BCKDHB: variants seen among roughly 807,000 people sequenced by gnomAD.
BCKDHB encodes branched chain keto acid dehydrogenase E1 subunit beta.
Under a neutral mutation model 48.5 loss-of-function variants are expected in BCKDHB, and 41 were observed. That is an observed-to-expected ratio of 0.85 (90% CI 0.66 to 1.10). The LOEUF (loss-of-function observed/expected upper bound fraction) is 1.10, where lower values mean the gene tolerates loss of function less well. Ranked by LOEUF, BCKDHB falls within the 50% of genes least tolerant of loss-of-function variation. The pLI, the probability that BCKDHB is intolerant of heterozygous loss-of-function variation, is 0.00. For synonymous variants in BCKDHB, 201 were observed against 174.8 expected (o/e 1.15, Z -1.18); for missense variants, 496 against 494.2 (o/e 1.00, Z -0.03).
At chr6:80,341,730 G>A (rs1289814952) in intron 9 of BCKDHB, among the ~76,000 whole-genome samples, 1 of 152,124 alleles carries the variant, frequency 6.6e-6, no homozygotes, top group Non-Finnish European at 1.5e-5. Flanking sequence ...AAGACGTTTA[G>A]TAAAATATTT....
chr6:80,293,684 A>T (rs1762887946), intron 9 of BCKDHB, among the ~76,000 whole-genome samples: 1 of 152,054 alleles, frequency 6.6e-6, no homozygotes, highest in Non-Finnish European at 1.5e-5. Flanking sequence ...TTTCTATTGC[A>T]TTGTCAGTCT....
chr6:80,249,936 C>G (rs1776766076), intron 8 of BCKDHB, among the ~76,000 whole-genome samples: 1 of 152,150 alleles, frequency 6.6e-6, no homozygotes, highest in African/African-American at 2.4e-5. Context: ...GTGTGTTGCT[C>G]TGAAATAATG....
the BCKDHB span, among the ~76,000 whole-genome samples, chr6:80,390,770 G>A: frequency 6.6e-6 from 1 of 152,130 alleles, no homozygotes; most frequent in Non-Finnish European, 1.5e-5. Flanking sequence ...GACTTATGAT[G>A]GTTAATACTA....
chr6:80,272,420 ATTTTAATAG>A (rs1777785517), intron 8 of BCKDHB, among the ~76,000 whole-genome samples: 1 of 152,164 alleles, frequency 6.6e-6, no homozygotes, highest in Non-Finnish European at 1.5e-5. Flanking sequence ...CCTGCTGTTG[ATTTTAATAG>A]TTTTACCTGC....
the BCKDHB span, among the ~76,000 whole-genome samples, chr6:80,353,982 G>A: frequency 6.6e-6 from 1 of 152,142 alleles, no homozygotes; most frequent in South Asian, 2.1e-4. Context: ...AAATTTGTAT[G>A]TCTTCTTTTG....
chr6:80,308,720 G>A lies in BCKDHB; in HGVS notation c.1039-34944G>A, dbSNP rs559324743. Among the ~76,000 whole-genome samples, 24 of 151,148 alleles carry A rather than the reference G, an allele frequency of 1.6e-4. No individual in the cohort carries two copies. In the East Asian group the frequency reaches 4.1e-3, roughly 26 times the overall value. ...CGCCATTCTCCTGCCTCAGCCTCCC[G>A]AGTAGCTGGGACTACAGGCGCCCGC... On this transcript the variant is annotated intron_variant, in intron 9 of 9. Coordinates refer to ENST00000320393, the MANE Select transcript of BCKDHB (RefSeq NM_183050.4).
the BCKDHB span, among the ~76,000 whole-genome samples, chr6:80,357,911 T>C: frequency 6.6e-6 from 1 of 152,344 alleles, no homozygotes; most frequent in African/African-American, 2.4e-5. Flanking sequence ...CTTCTTGCAC[T>C]TTGTTGGAGC....
the BCKDHB span, among the ~76,000 whole-genome samples, chr6:80,412,831 G>C: frequency 3.7e-4 from 56 of 152,294 alleles, 1 homozygote; most frequent in Admixed American, 9.8e-4. Flanking sequence ...AATTTTTTGA[G>C]TATGTAATCT....
chr6:80,270,762 A>G (rs1167041545), intron 8 of BCKDHB, among the ~76,000 whole-genome samples: 1 of 152,122 alleles, frequency 6.6e-6, no homozygotes, highest in East Asian at 1.9e-4. Context: ...AGCAGATCAC[A>G]CAGAGTGGGA....
the BCKDHB span, among the ~76,000 whole-genome samples, chr6:80,429,342 C>G: frequency 6.6e-6 from 1 of 152,106 alleles, no homozygotes; most frequent in South Asian, 2.1e-4. Context: ...TTAAGATTGT[C>G]TTGGCTATGC....
the BCKDHB span, among the ~76,000 whole-genome samples, chr6:80,388,335 G>T: frequency 6.8e-3 from 1,032 of 152,232 alleles, 11 homozygotes; most frequent in Non-Finnish European, 0.012. Context: ...GGCCTCCATA[G>T]GTCACAGAGG....
chr6:80,125,788 C>T (rs960008858), intron 1 of BCKDHB, among the ~76,000 whole-genome samples: 1 of 151,932 alleles, frequency 6.6e-6, no homozygotes, highest in African/African-American at 2.4e-5. Context: ...GGCTGTGGCA[C>T]CCCAAGACAC....
At chr6:80,307,595 G>A in intron 9 of BCKDHB, 1 of 984,278 alleles carries the variant, frequency 1.0e-6, no homozygotes, top group Non-Finnish European at 1.2e-6. Context: ...AAAATAACAA[G>A]ATCGTCAACA....
intron 1 of BCKDHB, among the ~76,000 whole-genome samples, chr6:80,108,869 C>CA (rs1005367171): frequency 6.6e-6 from 1 of 152,028 alleles, no homozygotes; most frequent in South Asian, 2.1e-4. Context: ...AAAAAAACCC[C>CA]AAAAAACCAA....
chr6:80,134,616 C>G (rs1165283473), intron 3 of BCKDHB, among the ~76,000 whole-genome samples: 1 of 152,020 alleles, frequency 6.6e-6, no homozygotes, highest in East Asian at 1.9e-4. Flanking sequence ...TTTTTTCATG[C>G]TTTGATTCCC....
the BCKDHB span, among the ~76,000 whole-genome samples, chr6:80,455,573 C>A: frequency 6.6e-6 from 1 of 150,474 alleles, no homozygotes; most frequent in South Asian, 2.1e-4. Context: ...CTAGATATTT[C>A]TTTTCTTCAC....
Position 80,123,479 on chromosome 6 carries a change from C to T in BCKDHB, c.197-4068C>T, listed in dbSNP as rs905570582. Among the ~76,000 whole-genome samples the T allele has an allele frequency of 4.6e-5, 7 of 152,200 alleles. 1 individual carries two copies. The highest frequency in any genetic ancestry group is 1.0e-4 in the Non-Finnish European group (7 of 68,024). ...AGAAGAAGGAATGGTACCAGCAACT[C>T]TTTGTATCTCTGGTAGAATTCAGCT... is the stretch of plus-strand genomic sequence containing the variant. On this transcript the variant is annotated intron_variant, in intron 1 of 9. Transcript: ENST00000320393.
At chr6:80,139,809 A>G (rs1771094550) in intron 3 of BCKDHB, among the ~76,000 whole-genome samples, 1 of 152,058 alleles carries the variant, frequency 6.6e-6, no homozygotes, top group Non-Finnish European at 1.5e-5. Flanking sequence ...TTCCATATGA[A>G]CTTTAAAGTC....
chr6:80,305,060 A>G (rs566028545), intron 9 of BCKDHB, among the ~76,000 whole-genome samples: 7 of 152,296 alleles, frequency 4.6e-5, no homozygotes, highest in African/African-American at 1.7e-4. Flanking sequence ...AAAAGAAATA[A>G]AAATGCCGTT....
Sources: gnomAD v4.1 joint callset for allele counts (sites outside exome capture counted in the v4.1 genomes callset) on GRCh38, gnomAD v4.1.1 for gene constraint, MANE v1.5 for transcripts, NCBI Gene and HGNC (gene_info 2026-07-23, HGNC 2026-07-21) for gene names.